Variants in STAM2 observed in about 807,000 individuals in gnomAD.
STAM2 encodes signal transducing adaptor molecule 2, also known as signal transducing adapter molecule 2.
In STAM2, 51 loss-of-function variants were observed where a neutral mutation model predicts 65.6. That is an observed-to-expected ratio of 0.78 (90% CI 0.62 to 0.98). The LOEUF (loss-of-function observed/expected upper bound fraction) is 0.98. Among genes scored for constraint, STAM2 ranks in the 50% least tolerant of loss-of-function variants. The pLI is 0.00. For missense variants in STAM2, 584 were observed against 617.8 expected, an observed-to-expected ratio of 0.95 and a Z score of 0.58; for synonymous variants, 198 against 208.4, an observed-to-expected ratio of 0.95 and a Z score of 0.43.
chr2:152,146,107 TA>T (rs1284531593), intron 5 of STAM2, among the ~76,000 whole-genome samples: 10 of 151,628 alleles, frequency 6.6e-5, no homozygotes, highest in African/African-American at 1.9e-4. Flanking sequence ...CCGTCTCTAC[TA>T]AAAATACAAA....
rs905288577 is a variant in STAM2 at position 152,118,334 on chromosome 2, C to T, written c.*2240G>A. On this transcript the variant is annotated 3_prime_UTR_variant, in exon 14 of 14. Coordinates refer to ENST00000263904, the MANE Select transcript of STAM2 (RefSeq NM_005843.6). Reference sequence around the variant, plus strand: ...CAGATTTAAAATCATTTTTATCTCTCGACAGCCTGCAACACAAAATTACAT... The same window carrying T: ...CAGATTTAAAATCATTTTTATCTCTTGACAGCCTGCAACACAAAATTACAT... 6.6e-6 allele frequency: 1 copy of T among 151,460 alleles called. No homozygotes were observed. Among genetic ancestry groups the T allele is most frequent in the South Asian group, 2.1e-4 (1 of 4,812 alleles). 9.4% of individuals were successfully genotyped at this position (151,460 alleles called of 1,614,324 possible).
intron 1 of STAM2, among the ~76,000 whole-genome samples, chr2:152,169,293 G>A (rs557729683): frequency 1.2e-3 from 180 of 151,754 alleles, no homozygotes; most frequent in Non-Finnish European, 1.4e-3. Flanking sequence ...TGTTTTGTTC[G>A]GGAGACAGGA....
intron 1 of STAM2, among the ~76,000 whole-genome samples, chr2:152,172,833 T>C (rs1187350010): frequency 6.8e-6 from 1 of 146,690 alleles, no homozygotes; most frequent in Non-Finnish European, 1.5e-5. Context: ...TCAGGCCACT[T>C]CATTCCAGCC....
intron 7 of STAM2, among the ~76,000 whole-genome samples, chr2:152,137,011 C>T (rs762591110): frequency 5.3e-5 from 8 of 151,410 alleles, no homozygotes; most frequent in South Asian, 4.2e-4. Flanking sequence ...TCTCCTGTCA[C>T]GGTCTCCCAA....
intron 13 of STAM2, among the ~76,000 whole-genome samples, chr2:152,122,659 T>C (rs1688877789): frequency 6.6e-6 from 1 of 152,174 alleles, no homozygotes; most frequent in Non-Finnish European, 1.5e-5. Context: ...GAAGAGACCT[T>C]ATAGATCATC....
chr2:152,159,110 TACACAC>T (rs1553847557), intron 1 of STAM2, among the ~76,000 whole-genome samples: 10 of 129,108 alleles, frequency 7.7e-5, no homozygotes, highest in African/African-American at 1.6e-4. Context: ...TATATATATA[TACACAC>T]ACAGATATAT....
chr2:152,173,410 T>C (rs1323519764), intron 1 of STAM2, among the ~76,000 whole-genome samples: 2 of 100,042 alleles, frequency 2.0e-5, no homozygotes, highest in African/African-American at 6.6e-5. Context: ...ATATATATTT[T>C]TTTTCGAGAC....
intron 1 of STAM2, among the ~76,000 whole-genome samples, chr2:152,156,079 A>G (rs144418765): frequency 2.0e-4 from 30 of 152,308 alleles, no homozygotes; most frequent in African/African-American, 6.7e-4. Flanking sequence ...ACTTTTCATG[A>G]TATTTTTCCA....
chr2:152,164,983 C>T (rs994993869), intron 1 of STAM2, among the ~76,000 whole-genome samples: 2 of 152,126 alleles, frequency 1.3e-5, no homozygotes, highest in African/African-American at 2.4e-5. Flanking sequence ...GTGAGAACCA[C>T]GTCCCCCTAA....
At chr2:152,132,958 C>T (rs1328599149) in intron 10 of STAM2, among the ~76,000 whole-genome samples, 4 of 151,906 alleles carry the variant, frequency 2.6e-5, no homozygotes, top group African/African-American at 9.7e-5. Flanking sequence ...TACTAGTGGG[C>T]TTAAAGAAAT....
intron 1 of STAM2, among the ~76,000 whole-genome samples, chr2:152,166,126 A>G (rs1233023150): frequency 6.6e-6 from 1 of 152,154 alleles, no homozygotes; most frequent in East Asian, 1.9e-4. Context: ...GTGAGCCCAG[A>G]TCACGCCACT....
rs1303996841 is a variant in STAM2 at position 152,117,033 on chromosome 2, A to T, written c.*3541T>A. ...TGAGGGGTGGCTACTGTTAAGTCAC[A>T]TTGTGACATTCCAGGTGTACATGAA... On this transcript the variant is annotated 3_prime_UTR_variant, in exon 14 of 14. Transcript: ENST00000263904. 1 of 152,184 alleles carries T rather than the reference A, an allele frequency of 6.6e-6. No individual in the cohort carries two copies. Among genetic ancestry groups the T allele is most frequent in the Non-Finnish European group, 1.5e-5 (1 of 68,044 alleles). The allele number at this position is 152,184 out of a possible 1,614,324, so 9.4% of individuals were successfully genotyped here. A position where few individuals can be genotyped will look rare whatever the true frequency, so the allele number is the denominator to read the frequency against.
intron 11 of STAM2, among the ~76,000 whole-genome samples, chr2:152,130,509 C>T (rs1162794269): frequency 6.6e-6 from 1 of 151,794 alleles, no homozygotes; most frequent in Non-Finnish European, 1.5e-5. Flanking sequence ...CCTCGGCCTC[C>T]CAAAGTGCTG....
At chr2:152,160,715 G>A (rs1325980059) in intron 1 of STAM2, among the ~76,000 whole-genome samples, 13 of 145,702 alleles carry the variant, frequency 8.9e-5, no homozygotes, top group South Asian at 4.4e-4. Flanking sequence ...TCAGCCCCCC[G>A]CCTGGCCAGC....
At chr2:152,173,361 C>CACATATATATACATATATATATATGTAT (rs70974829) in intron 1 of STAM2, among the ~76,000 whole-genome samples, 24,165 of 142,052 alleles carry the variant, frequency 0.17, 2,436 homozygotes, top group Admixed American at 0.25. Context: ...CGTATATACA[C>CACATATATATACATATATATATATGTAT]ACATATATAT....
rs766635699 is a variant in STAM2 at position 152,126,210 on chromosome 2, C to CA, written c.1179+15dup. On this transcript the variant is annotated intron_variant, in intron 12 of 13. Transcript: ENST00000263904. ...TTGTTTATAATTTAGAAAATGTTCT[C>CA]AAAAAACATGCTCACCTGCATTGGA... is the stretch of plus-strand genomic sequence containing the variant. 4 of 1,552,034 alleles carry CA rather than the reference C, an allele frequency of 2.6e-6. No individual in the cohort carries two copies. The highest frequency in any genetic ancestry group is 3.5e-4 in the Middle Eastern group (2 of 5,722).
Position 152,147,192 on chromosome 2 carries a change from T to G in STAM2, c.417A>C (p.Glu139Asp). ...ISATIKSMKE[E>D]GITFPPAGSQ... Reference sequence around the variant, plus strand: ...AACCTGCTGGAGGAAAAGTAATTCCTTCTTCTTTCATAGATTTAATAGTTG... The same window carrying G: ...AACCTGCTGGAGGAAAAGTAATTCCGTCTTCTTTCATAGATTTAATAGTTG... The change falls in exon 5 of 14, where the codon GAA becomes GAC. Residue 139 changes from glutamate (E) to aspartate (D), a missense_variant. Coordinates refer to ENST00000263904, the MANE Select transcript of STAM2 (RefSeq NM_005843.6). 2 of 1,609,120 alleles carry G rather than the reference T, an allele frequency of 1.2e-6. No homozygotes were observed. Among genetic ancestry groups the G allele is most frequent in the Non-Finnish European group, 1.7e-6 (2 of 1,178,534 alleles).
chr2:152,143,535 G>A (rs899044657), intron 7 of STAM2, among the ~76,000 whole-genome samples: 2 of 152,076 alleles, frequency 1.3e-5, no homozygotes, highest in Non-Finnish European at 2.9e-5. Flanking sequence ...AACTGCCAAC[G>A]TAAACATATT....
chr2:152,135,876 G>A (rs181454501), intron 7 of STAM2, among the ~76,000 whole-genome samples: 1 of 152,092 alleles, frequency 6.6e-6, no homozygotes, highest in African/African-American at 2.4e-5. Flanking sequence ...GATCACCAGA[G>A]GTCAGGAGTT....
Sources: allele counts gnomAD v4.1 joint callset (sites outside exome capture counted in the v4.1 genomes callset), GRCh38; gene constraint gnomAD v4.1.1; transcripts MANE v1.5; gene names NCBI Gene and HGNC (gene_info 2026-07-23, HGNC 2026-07-21).